KCNQ1: variants seen among roughly 807,000 people sequenced by gnomAD.
KCNQ1 encodes the protein potassium voltage-gated channel subfamily KQT member 1.
Under a neutral mutation model 72.4 loss-of-function variants are expected in KCNQ1, and 49 were observed. The ratio of observed to expected loss-of-function variants is 0.68; its 90% CI spans 0.54 to 0.86. KCNQ1 has a LOEUF of 0.86. Among genes scored for constraint, KCNQ1 ranks in the 40% least tolerant of loss-of-function variants. The pLI is 0.00. For missense variants in KCNQ1, 790 were observed against 945.1 expected, an observed-to-expected ratio of 0.84 and a Z score of 2.15; for synonymous variants, 450 against 412.6, an observed-to-expected ratio of 1.09 and a Z score of -1.10.
Position 2,482,735 on chromosome 11 carries a change from CCTCTT to C in KCNQ1, c.386+37252_386+37256del, listed in dbSNP as rs1345722928. On this transcript the variant is annotated intron_variant, in intron 1 of 15. Coordinates refer to ENST00000155840, the MANE Select transcript of KCNQ1 (RefSeq NM_000218.3). This position sits in a 1 kb window ranked among gnomAD's most constrained non-coding sequence, Gnocchi z 5.7. The stretch of plus-strand genomic sequence containing the variant: ...GAAGCAAAAATAGAATATCCTTCCT[CCTCTT>C]AGTGAGGGGAGTATGTTTATGTTTG... Among the ~76,000 whole-genome samples, 1 of 152,132 alleles carries C rather than the reference CCTCTT, an allele frequency of 6.6e-6. No homozygotes were observed. Among genetic ancestry groups the C allele is most frequent in the Non-Finnish European group, 1.5e-5 (1 of 68,036 alleles).
chr11:2,815,428 G>C lies in KCNQ1; in HGVS notation c.1795-32339G>C, dbSNP rs564593431. ...AGGCCCACAGGGTAGTTCTGAGTTC[G>C]GGGGACCCTCTCCTGGCCCTGTGGG... On this transcript the variant is annotated intron_variant, in intron 15 of 15. Coordinates refer to ENST00000155840, the MANE Select transcript of KCNQ1 (RefSeq NM_000218.3). The surrounding 1 kb of genome is among the most constrained non-coding windows in gnomAD (Gnocchi z 5.4). Among the ~76,000 whole-genome samples the C allele has an allele frequency of 6.6e-6, 1 of 152,206 alleles. No homozygotes were observed. Among genetic ancestry groups the C allele is most frequent in the East Asian group, 1.9e-4 (1 of 5,176 alleles).
rs1485491497 is a variant in KCNQ1 at position 2,621,662 on chromosome 11, G to T, written c.1393+32808G>T. 4 of 398,176 alleles carry T rather than the reference G, an allele frequency of 1.0e-5. No homozygotes were observed. The highest frequency in any genetic ancestry group is 1.8e-5 in the Non-Finnish European group (4 of 225,974). 24.7% of individuals were successfully genotyped at this position (398,176 alleles called of 1,614,324 possible). On this transcript the variant is annotated intron_variant, in intron 10 of 15. Transcript: ENST00000155840. This position sits in a 1 kb window ranked among gnomAD's most constrained non-coding sequence, Gnocchi z 5.7. ...CCATTTCCTCTAGGTTATCCAATTT[G>T]TTGGGATATAATTGTTCATAAAAGT...
At chr11:2,467,801 C>T (rs1846373209) in intron 1 of KCNQ1, among the ~76,000 whole-genome samples, 3 of 152,244 alleles carry the variant, frequency 2.0e-5, no homozygotes. Flanking sequence ...CCCTGCAGAC[C>T]CAGGCCAGGT....
chr11:2,508,390 C>T lies in KCNQ1; in HGVS notation c.387-19538C>T, dbSNP rs1489710836. Among the ~76,000 whole-genome samples the T allele has an allele frequency of 6.6e-6, 1 of 152,150 alleles. No homozygotes were observed. The highest frequency in any genetic ancestry group is 2.4e-5 in the African/African-American group (1 of 41,432). On this transcript the variant is annotated intron_variant, in intron 1 of 15. Coordinates refer to ENST00000155840, the MANE Select transcript of KCNQ1 (RefSeq NM_000218.3). The surrounding 1 kb of genome is among the most constrained non-coding windows in gnomAD (Gnocchi z 6.2). ...CAGGGCAAGCTTTGGGGAGCACTGT[C>T]CAGACAGTGCCCTGGACACTGCACC...
At chr11:2,729,075 C>A (rs11023927) in intron 11 of KCNQ1, among the ~76,000 whole-genome samples, 1 of 152,374 alleles carries the variant, frequency 6.6e-6, no homozygotes, top group East Asian at 1.9e-4. Context: ...TCCCACCCCC[C>A]GCCTGCCCCA....
At chr11:2,675,918 A>G in intron 11 of KCNQ1, 1 of 398,690 alleles carries the variant, frequency 2.5e-6, no homozygotes, top group Non-Finnish European at 4.4e-6. Context: ...CAAAAATCAT[A>G]CAACAGTCTT....
At chr11:2,665,055 G>C in intron 11 of KCNQ1, 1 of 398,486 alleles carries the variant, frequency 2.5e-6, no homozygotes, top group Non-Finnish European at 4.4e-6. Context: ...TGCAAGCTAG[G>C]GAGTCATGAC....
intron 1 of KCNQ1, among the ~76,000 whole-genome samples, chr11:2,472,318 TTG>T (rs368630939): frequency 1.9e-3 from 294 of 150,828 alleles, no homozygotes; most frequent in Admixed American, 4.7e-3. Flanking sequence ...GTGTGCACCT[TTG>T]TGTGTATACG....
intron 15 of KCNQ1, among the ~76,000 whole-genome samples, chr11:2,814,109 G>T (rs2134044429): frequency 6.7e-6 from 1 of 148,858 alleles, no homozygotes; most frequent in African/African-American, 2.5e-5. Context: ...AGGGAAGGAG[G>T]GATGAATAAA....
chr11:2,523,967 C>T (rs547619112), intron 1 of KCNQ1, among the ~76,000 whole-genome samples: 4 of 152,072 alleles, frequency 2.6e-5, no homozygotes, highest in South Asian at 2.1e-4. Context: ...ACATGGCTGT[C>T]GCTTGGCTGA....
intron 11 of KCNQ1, chr11:2,699,707 G>A: frequency 4.6e-6 from 1 of 215,990 alleles, no homozygotes. Context: ...CGAGGAGAAC[G>A]GCGCCGAGGA....
Position 2,673,173 on chromosome 11 carries a change from G to C in KCNQ1, c.1514+11092G>C. On this transcript the variant is annotated intron_variant, in intron 11 of 15. Coordinates refer to ENST00000155840, the MANE Select transcript of KCNQ1 (RefSeq NM_000218.3). The surrounding 1 kb of genome is among the most constrained non-coding windows in gnomAD (Gnocchi z 4.5). ...TGACCCAAGCACGAGGATCAGAATG[G>C]GCCCTGGAGCCAAGGCCAAAAGCCG... 1 of 398,734 alleles carries C rather than the reference G, an allele frequency of 2.5e-6. No homozygotes were observed. The highest frequency in any genetic ancestry group is 4.4e-6 in the Non-Finnish European group (1 of 226,152). The allele number at this position is 398,734 out of a possible 1,614,324, so 24.7% of individuals were successfully genotyped here.
chr11:2,631,364 T>C (rs1849349791), intron 10 of KCNQ1: 1 of 398,478 alleles, frequency 2.5e-6, no homozygotes, highest in Non-Finnish European at 4.4e-6. Flanking sequence ...TCAAGTCTGC[T>C]GCTGATGCTT....
Position 2,824,421 on chromosome 11 carries a change from A to G in KCNQ1, c.1795-23346A>G, listed in dbSNP as rs1046207161. On this transcript the variant is annotated intron_variant, in intron 15 of 15. Coordinates refer to ENST00000155840, the MANE Select transcript of KCNQ1 (RefSeq NM_000218.3). The surrounding 1 kb of genome is among the most constrained non-coding windows in gnomAD (Gnocchi z 5.9). ...GACCCCCAGGTTCTGGCTTGGCCAT[A>G]TGTTGGAGGCTGAAACGATTCATCC... Among the ~76,000 whole-genome samples, 2 of 152,152 alleles carry G rather than the reference A, an allele frequency of 1.3e-5. No homozygotes were observed. The highest frequency in any genetic ancestry group is 2.9e-5 in the Non-Finnish European group (2 of 68,028).
chr11:2,787,332 T>C lies in KCNQ1; in HGVS notation c.1794+9295T>C, dbSNP rs1198915177. 3.3e-5 allele frequency among the ~76,000 whole-genome samples: 5 copies of C among 152,318 alleles called. No individual in the cohort carries two copies. Among genetic ancestry groups the C allele is most frequent in the Non-Finnish European group, 7.3e-5 (5 of 68,028 alleles). ...CCCAGCTTTGTGTAAGTCTCTGCTA[T>C]GAGACTTCCTGGGGCAGGCCTGGGC... On this transcript the variant is annotated intron_variant, in intron 15 of 15. Coordinates refer to ENST00000155840, the MANE Select transcript of KCNQ1 (RefSeq NM_000218.3). This position sits in a 1 kb window ranked among gnomAD's most constrained non-coding sequence, Gnocchi z 6.3.
At chr11:2,575,601 G>C in intron 6 of KCNQ1, among the ~76,000 whole-genome samples, 1 of 152,358 alleles carries the variant, frequency 6.6e-6, no homozygotes, top group East Asian at 1.9e-4. Context: ...CCTTTGTCCT[G>C]CTTCCTTCAC....
rs573880708 is a variant in KCNQ1 at position 2,718,098 on chromosome 11, A to G, written c.1515-50746A>G. ...CCTCTTCTGGAAGAGCCGGGTTGAC[A>G]CCCGCGTGCCCCGTCCTGGCTTAAA... is the stretch of plus-strand genomic sequence containing the variant. On this transcript the variant is annotated intron_variant, in intron 11 of 15. Coordinates refer to ENST00000155840, the MANE Select transcript of KCNQ1 (RefSeq NM_000218.3). 7.3e-3 allele frequency among the ~76,000 whole-genome samples: 1,106 copies of G among 152,180 alleles called. 10 individuals are homozygous for G. Among genetic ancestry groups the G allele is most frequent in the African/African-American group, 0.025 (1,052 of 41,500 alleles).
At position 2,645,137 on chromosome 11, in the gene KCNQ1, C is replaced by T. The variant is rs567750318; in HGVS notation, c.1394-16824C>T. 396 of 398,628 alleles carry T rather than the reference C, an allele frequency of 9.9e-4. 2 individuals are homozygous for T. Among genetic ancestry groups the T allele is most frequent in the Middle Eastern group, 7.5e-3 (12 of 1,590 alleles). The allele number at this position is 398,628 out of a possible 1,614,324, so 24.7% of individuals were successfully genotyped here. Reference sequence around the variant, plus strand: ...GCTTGGGCAATGGCAGTAGCAGTGGCAGAACAATCTTCTGCCTCCCAAGGT... The same window carrying T: ...GCTTGGGCAATGGCAGTAGCAGTGGTAGAACAATCTTCTGCCTCCCAAGGT... On this transcript the variant is annotated intron_variant, in intron 10 of 15. Coordinates refer to ENST00000155840, the MANE Select transcript of KCNQ1 (RefSeq NM_000218.3). This position sits in a 1 kb window ranked among gnomAD's most constrained non-coding sequence, Gnocchi z 5.8.
chr11:2,669,314 G>A lies in KCNQ1; in HGVS notation c.1514+7233G>A, dbSNP rs147947239. 5.8e-5 allele frequency: 23 copies of A among 398,620 alleles called. No individual in the cohort carries two copies. Among genetic ancestry groups the A allele is most frequent in the Middle Eastern group, 6.3e-4 (1 of 1,588 alleles). The allele number at this position is 398,620 out of a possible 1,614,324, so 24.7% of individuals were successfully genotyped here. A position where few individuals can be genotyped will look rare whatever the true frequency, so the allele number is the denominator to read the frequency against. On this transcript the variant is annotated intron_variant, in intron 11 of 15. Transcript: ENST00000155840. The surrounding 1 kb of genome is among the most constrained non-coding windows in gnomAD (Gnocchi z 5.6). ...TCACCATACATATGCCAGTTGCCATGGAAAGCCTCCTCTAGGCGCAGCAGC... is the reference window on the plus strand; with the variant it reads ...TCACCATACATATGCCAGTTGCCATAGAAAGCCTCCTCTAGGCGCAGCAGC...
Sources: gnomAD v4.1 joint callset for allele counts (sites outside exome capture counted in the v4.1 genomes callset) on GRCh38, gnomAD v4.1.1 for gene constraint, Gnocchi (gnomAD v3.1) non-coding constraint, MANE v1.5 for transcripts, NCBI Gene and HGNC (gene_info 2026-07-23, HGNC 2026-07-21) for gene names.